Variants in MCM5 observed in about 807,000 individuals in gnomAD.
The protein encoded by MCM5 is minichromosome maintenance complex component 5.
MCM5 carries 46 observed loss-of-function variants against 79.9 expected under a neutral mutation model. That is an observed-to-expected ratio of 0.58 (90% CI 0.45 to 0.74). The LOEUF (loss-of-function observed/expected upper bound fraction) is 0.74, where lower values mean the gene tolerates loss of function less well. MCM5 is among the 30% of genes least tolerant of loss of function. The pLI is 0.00. For missense variants in MCM5, 883 were observed against 1,017.0 expected (o/e 0.87, Z 1.79); for synonymous variants, 404 against 390.5 (o/e 1.03, Z -0.41).
rs1932322647 is a variant in MCM5, at chr22:35,409,754, T to C, written c.753-990T>C. 2 of 152,194 alleles carry C rather than the reference T, an allele frequency of 1.3e-5. 1 individual carries two copies. The highest frequency in any genetic ancestry group is 4.1e-4 in the South Asian group (2 of 4,828). 9.4% of individuals were successfully genotyped at this position (152,194 alleles called of 1,614,324 possible). Reference sequence around the variant, plus strand: ...GATCTGTAGCTTCTGTTAACTTCATTAGTGGCAACAGAGTATGTAGGGGTC... The same window carrying C: ...GATCTGTAGCTTCTGTTAACTTCATCAGTGGCAACAGAGTATGTAGGGGTC... On this transcript the variant is annotated intron_variant, in intron 6 of 16. Transcript: ENST00000216122.
At chr22:35,450,598 T>A in the MCM5 span, among the ~76,000 whole-genome samples, 1 of 152,144 alleles carries the variant, frequency 6.6e-6, no homozygotes, top group African/African-American at 2.4e-5. Flanking sequence ...CACTGGAGAA[T>A]CCAACCGGAG....
intron 7 of MCM5, 23 bp downstream of exon 7, chr22:35,410,933 G>A: frequency 6.4e-7 from 1 of 1,559,980 alleles, no homozygotes; most frequent in Non-Finnish European, 8.7e-7. Context: ...TGGGGTCCTG[G>A]CTTAGCCCTG....
rs1932767184 is a variant in MCM5 at position 35,425,166 on chromosome 22, CTT to C, written c.*913_*914del. On this transcript the variant is annotated 3_prime_UTR_variant, in exon 17 of 17. Transcript: ENST00000216122. ...GGAGTGTTGCCAAGTGCCTCGGTCACTTTGCCTAATTTCAGAAAGTCACTCTG... is the reference window on the plus strand; with the variant it reads ...GGAGTGTTGCCAAGTGCCTCGGTCACTGCCTAATTTCAGAAAGTCACTCTG... 1 of 152,164 alleles carries C rather than the reference CTT, an allele frequency of 6.6e-6. No individual in the cohort carries two copies. Among genetic ancestry groups the C allele is most frequent in the South Asian group, 2.1e-4 (1 of 4,832 alleles). 9.4% of individuals were successfully genotyped at this position (152,164 alleles called of 1,614,324 possible).
chr22:35,429,514 C>T (rs932716593), downstream of MCM5, among the ~76,000 whole-genome samples: 5 of 151,814 alleles, frequency 3.3e-5, no homozygotes, highest in African/African-American at 7.3e-5. Flanking sequence ...TTCCTCCTCA[C>T]CCCTCCTGCC....
Position 35,424,327 on chromosome 22 carries a change from T to C in MCM5, c.*72T>C. On this transcript the variant is annotated 3_prime_UTR_variant, in exon 17 of 17. Coordinates refer to ENST00000216122, the MANE Select transcript of MCM5 (RefSeq NM_006739.4). ...TCCTGCCGCTGCCTGCCATTGACAA[T>C]GTTGCTGGGACCTCTGCCTCCCCAC... 1 of 1,142,770 alleles carries C rather than the reference T, an allele frequency of 8.8e-7. No homozygotes were observed. Among genetic ancestry groups the C allele is most frequent in the Admixed American group, 2.3e-5 (1 of 42,686 alleles). 70.8% of individuals were successfully genotyped at this position (1,142,770 alleles called of 1,614,324 possible).
At chr22:35,409,026 G>A (rs558996772) in intron 6 of MCM5, among the ~76,000 whole-genome samples, 4 of 151,592 alleles carry the variant, frequency 2.6e-5, no homozygotes, top group Middle Eastern at 3.4e-3. Context: ...GCAGTGGCGC[G>A]ATCTCGGCTC....
the MCM5 span, among the ~76,000 whole-genome samples, chr22:35,446,779 A>G: frequency 9.2e-5 from 14 of 151,800 alleles, no homozygotes; most frequent in African/African-American, 3.4e-4. Flanking sequence ...TATTTCTCTC[A>G]TCTCGGTTCC....
the MCM5 span, among the ~76,000 whole-genome samples, chr22:35,438,591 C>CCATCCACCCACCCACACATT: frequency 2.1e-5 from 1 of 48,044 alleles, no homozygotes; most frequent in African/African-American, 9.0e-5. Flanking sequence ...ATCCATCCAT[C>CCATCCACCCACCCACACATT]CATGCATCCA....
chr22:35,405,326 A>T (rs933031641), intron 4 of MCM5, among the ~76,000 whole-genome samples: 1 of 151,638 alleles, frequency 6.6e-6, no homozygotes, highest in Non-Finnish European at 1.5e-5. Flanking sequence ...CATACATCAT[A>T]TAATTTGATC....
intron 5 of MCM5, among the ~76,000 whole-genome samples, chr22:35,407,250 C>T (rs1277616826): frequency 4.6e-5 from 7 of 152,264 alleles, no homozygotes; most frequent in Admixed American, 3.9e-4. Flanking sequence ...GCTGCTCTTT[C>T]TTGGCTCCTT....
At chr22:35,409,546 C>G (rs1012249288) in intron 6 of MCM5, 2 of 152,236 alleles carry the variant, frequency 1.3e-5, no homozygotes, top group Admixed American at 6.5e-5. Flanking sequence ...TCCACTCTAG[C>G]CTGGGTGACA....
At chr22:35,435,685 G>A in the MCM5 span, among the ~76,000 whole-genome samples, 5 of 152,194 alleles carry the variant, frequency 3.3e-5, no homozygotes, top group Non-Finnish European at 7.3e-5. Context: ...GGCCAGGAGG[G>A]GCAGGCAGAG....
At chr22:35,418,393 G>A (rs1714972521) in intron 13 of MCM5, among the ~76,000 whole-genome samples, 1 of 152,122 alleles carries the variant, frequency 6.6e-6, no homozygotes, top group African/African-American at 2.4e-5. Flanking sequence ...GGTTGCAGTG[G>A]CTCACGCTGT....
At chr22:35,438,328 T>TATCCATCCATCCATCCATCC in the MCM5 span, among the ~76,000 whole-genome samples, 2 of 134,882 alleles carry the variant, frequency 1.5e-5, no homozygotes, top group African/African-American at 2.9e-5. Context: ...TCCGTCCATC[T>TATCCATCCATCCATCCATCC]ATCCATCCAT....
At chr22:35,404,447 C>A (rs1036081971) in intron 4 of MCM5, among the ~76,000 whole-genome samples, 1 of 152,178 alleles carries the variant, frequency 6.6e-6, no homozygotes. Flanking sequence ...TTAGATTTAT[C>A]TGAAGGCCTC....
intron 15 of MCM5, 160 bp from the exon 16 acceptor site, chr22:35,423,053 TC>T: frequency 1.7e-6 from 1 of 599,024 alleles, no homozygotes; most frequent in Non-Finnish European, 2.7e-6. Context: ...ATATCCTGTC[TC>T]CTCAATCAGG....
chr22:35,448,472 A>G, the MCM5 span, among the ~76,000 whole-genome samples: 3 of 151,968 alleles, frequency 2.0e-5, no homozygotes, highest in African/African-American at 7.3e-5. Context: ...CTCCTGCTAA[A>G]CGCCCCACAA....
chr22:35,403,575 C>T, intron 4 of MCM5, 33 bp downstream of exon 4: 1 of 1,607,638 alleles, frequency 6.2e-7, no homozygotes, highest in South Asian at 1.1e-5. Context: ...CTGCATGGTG[C>T]AGAGGGCTTT....
At chr22:35,435,953 G>A in the MCM5 span, among the ~76,000 whole-genome samples, 1 of 152,058 alleles carries the variant, frequency 6.6e-6, no homozygotes, top group African/African-American at 2.4e-5. Context: ...GATCACCTGA[G>A]GTCGGGAGTT....
Sources: allele counts gnomAD v4.1 joint callset (sites outside exome capture counted in the v4.1 genomes callset), GRCh38; gene constraint gnomAD v4.1.1; transcripts MANE v1.5; gene names NCBI Gene and HGNC (gene_info 2026-07-23, HGNC 2026-07-21).